The following COL24A1 variants were observed in gnomAD, a reference collection of about 807,000 sequenced individuals.
COL24A1 encodes collagen alpha-1(XXIV) chain.
COL24A1 carries 224 observed loss-of-function variants against 253.9 expected under a neutral mutation model. The observed-to-expected ratio is 0.88, with a 90% CI of 0.79 to 0.99. COL24A1 has a LOEUF of 0.99. Among genes scored for constraint, COL24A1 ranks in the 50% least tolerant of loss-of-function variants. COL24A1 has a pLI of 0.00. For missense variants in COL24A1, 2,131 were observed against 2,068.5 expected, an observed-to-expected ratio of 1.03 and a Z score of -0.59; for synonymous variants, 685 against 673.7, an observed-to-expected ratio of 1.02 and a Z score of -0.26.
At chr1:85,841,327 C>T (rs1230899639) in intron 41 of COL24A1, 49 bp from the exon 42 acceptor site, 6 of 1,270,042 alleles carry the variant, frequency 4.7e-6, no homozygotes, top group Non-Finnish European at 4.4e-6. Context: ...ATAAAATAAA[C>T]ATCAAAAACA....
At chr1:86,147,567 T>C (rs1652067649) in intron 1 of COL24A1, among the ~76,000 whole-genome samples, 3 of 152,334 alleles carry the variant, frequency 2.0e-5, no homozygotes, top group African/African-American at 7.2e-5. Context: ...TTCATGTAGA[T>C]GGATGGTTCC....
At chr1:86,009,671 G>A (rs187708722) in intron 19 of COL24A1, among the ~76,000 whole-genome samples, 94 of 152,286 alleles carry the variant, frequency 6.2e-4, no homozygotes, top group African/African-American at 2.1e-3. Flanking sequence ...TGCTCTGAGT[G>A]AGTTAGTAAG....
chr1:85,926,009 C>T (rs900557264), intron 24 of COL24A1, among the ~76,000 whole-genome samples: 2 of 152,120 alleles, frequency 1.3e-5, no homozygotes, highest in African/African-American at 4.8e-5. Context: ...AACAAGTGGG[C>T]AAAGGATATG....
chr1:85,761,396 T>C lies in COL24A1; in HGVS notation c.4437A>G (p.Arg1479=), dbSNP rs755931227. The part of the protein sequence containing the change: ...PPGPPGAPGP[R]KQMDINAAIQ... ...ACAAAATCAAACCAAGCAAACTTAC[T>C]CTTGGGCCTGGTGCTCCAGGTGGAC... The change falls in exon 55 of 60, where the codon AGA becomes AGG. Residue 1479 remains arginine (R), a splice_region_variant and synonymous_variant. Transcript: ENST00000370571. 6.2e-7 allele frequency: 1 copy of C among 1,613,988 alleles called. No individual in the cohort carries two copies. Among genetic ancestry groups the C allele is most frequent in the Non-Finnish European group, 8.5e-7 (1 of 1,179,964 alleles).
chr1:85,940,390 C>A lies in COL24A1; in HGVS notation c.2562+20859G>T, dbSNP rs1346805213. Among the ~76,000 whole-genome samples, 8 of 9,862 alleles carry A rather than the reference C, an allele frequency of 8.1e-4. 2 individuals carry two copies. Among genetic ancestry groups the A allele is most frequent in the Non-Finnish European group, 4.2e-4 (2 of 4,722 alleles). The allele number at this position is 9,862 out of a possible 152,430, so 6.5% of individuals were successfully genotyped here. A position where few individuals can be genotyped will look rare whatever the true frequency, so the allele number is the denominator to read the frequency against. ...CTGCACTCCAGCCTGGGCGACAGAG[C>A]GAGACTCCGTCTCAAAAAAAAAAAA... is the stretch of plus-strand genomic sequence containing the variant. On this transcript the variant is annotated intron_variant, in intron 24 of 59. Transcript: ENST00000370571.
intron 37 of COL24A1, among the ~76,000 whole-genome samples, chr1:85,858,101 C>T (rs978945947): frequency 5.3e-5 from 8 of 152,208 alleles, no homozygotes; most frequent in Admixed American, 3.3e-4. Context: ...TGTGTTTTCT[C>T]ATTCCAAGCC....
At chr1:86,108,751 G>T (rs1289606108) in intron 5 of COL24A1, among the ~76,000 whole-genome samples, 1 of 151,018 alleles carries the variant, frequency 6.6e-6, no homozygotes, top group Non-Finnish European at 1.5e-5. Context: ...AGGTTGCAGT[G>T]AGCCGAGATC....
chr1:86,147,857 A>G (rs1889851), intron 1 of COL24A1, among the ~76,000 whole-genome samples: 106,237 of 152,158 alleles, frequency 0.7, 38,015 homozygotes, highest in Non-Finnish European at 0.77. Flanking sequence ...CTAAAATATT[A>G]TTTGGCCCTT....
At chr1:86,107,619 C>T (rs1283604654) in intron 5 of COL24A1, among the ~76,000 whole-genome samples, 2 of 151,884 alleles carry the variant, frequency 1.3e-5, no homozygotes, top group East Asian at 1.9e-4. Flanking sequence ...ACTGTAAGCT[C>T]CGCCTCCCGG....
At chr1:85,817,960 C>T in intron 46 of COL24A1, 74 bp downstream of exon 46, 1 of 1,286,454 alleles carries the variant, frequency 7.8e-7, no homozygotes, top group African/African-American at 1.5e-5. Flanking sequence ...CAATTGGCCC[C>T]AAACTTTTCT....
chr1:85,838,548 T>C, intron 43 of COL24A1, 37 bp downstream of exon 43: 1 of 1,570,326 alleles, frequency 6.4e-7, no homozygotes, highest in Non-Finnish European at 8.8e-7. Context: ...GAGAACCCTA[T>C]TTAAATTCAT....
intron 6 of COL24A1, 104 bp downstream of exon 6, chr1:86,092,163 T>C: frequency 8.4e-6 from 7 of 834,458 alleles, no homozygotes; most frequent in Non-Finnish European, 1.3e-5. Context: ...TTCTCATGTT[T>C]TTTTCCTGTC....
intron 37 of COL24A1, among the ~76,000 whole-genome samples, chr1:85,860,699 C>T (rs1047536563): frequency 4.6e-5 from 7 of 152,172 alleles, no homozygotes; most frequent in African/African-American, 1.7e-4. Context: ...CAAGATCGTG[C>T]CACTGCACTC....
At chr1:85,744,591 A>C in intron 57 of COL24A1, 75 bp downstream of exon 57, 1 of 1,244,402 alleles carries the variant, frequency 8.0e-7, no homozygotes, top group Non-Finnish European at 1.1e-6. Flanking sequence ...TGGAGTGAAC[A>C]CATTACAAAT....
chr1:85,871,069 C>G (rs1045878036), intron 35 of COL24A1, among the ~76,000 whole-genome samples: 5 of 152,122 alleles, frequency 3.3e-5, no homozygotes, highest in Non-Finnish European at 7.4e-5. Context: ...ACTACAAACA[C>G]CCCTATGCAT....
At position 86,027,889 on chromosome 1, in the gene COL24A1, G is replaced by C. The variant is rs372507925; in HGVS notation, c.2049+3989C>G. ...GGGGTCTTTACCCTTTAAAGCTACA[G>C]GGTGGTGCTGCCCAAGGCTGTGGGA... is the stretch of plus-strand genomic sequence containing the variant. On this transcript the variant is annotated intron_variant, in intron 14 of 59. Coordinates refer to ENST00000370571, the MANE Select transcript of COL24A1 (RefSeq NM_152890.7). 7.9e-5 allele frequency among the ~76,000 whole-genome samples: 12 copies of C among 152,334 alleles called. No homozygotes were observed. In the South Asian group the frequency reaches 2.5e-3, roughly 32 times the overall value.
rs180751007 is a variant in COL24A1 at position 85,747,181 on chromosome 1, G to A, written c.4438-1675C>T. ...GGCTGAAGTGCAGTGGTGCGATCTCGGCTCACTGCAACCTCCGCTTCCCAG... is the reference window on the plus strand; with the variant it reads ...GGCTGAAGTGCAGTGGTGCGATCTCAGCTCACTGCAACCTCCGCTTCCCAG... On this transcript the variant is annotated intron_variant, in intron 55 of 59. Coordinates refer to ENST00000370571, the MANE Select transcript of COL24A1 (RefSeq NM_152890.7). 9.9e-3 allele frequency among the ~76,000 whole-genome samples: 1,463 copies of A among 148,084 alleles called. 21 individuals carry two copies. The highest frequency in any genetic ancestry group is 0.034 in the African/African-American group (1,373 of 40,104).
At chr1:85,816,981 A>G (rs933018773) in intron 46 of COL24A1, 86 bp from the exon 47 acceptor site, 2 of 1,014,066 alleles carry the variant, frequency 2.0e-6, no homozygotes, top group Admixed American at 2.3e-5. Flanking sequence ...GAGCTGGAGA[A>G]GTTTACATTT....
At chr1:85,947,748 T>G (rs761728906) in intron 24 of COL24A1, among the ~76,000 whole-genome samples, 3 of 152,322 alleles carry the variant, frequency 2.0e-5, no homozygotes, top group Middle Eastern at 3.4e-3. Context: ...TAATCCAGGC[T>G]AATAACTATT....
Sources: allele counts gnomAD v4.1 joint callset (sites outside exome capture counted in the v4.1 genomes callset), GRCh38; gene constraint gnomAD v4.1.1; transcripts MANE v1.5; gene names NCBI Gene and HGNC (gene_info 2026-07-23, HGNC 2026-07-21).